The following NECAB2 variants were observed in gnomAD, a reference collection of about 807,000 sequenced individuals.
NECAB2 encodes the protein N-terminal EF-hand calcium-binding protein 2.
Under a neutral mutation model 51.9 loss-of-function variants are expected in NECAB2, and 68 were observed. The ratio of observed to expected loss-of-function variants is 1.31; its 90% CI spans 1.08 to 1.60. NECAB2 has a LOEUF of 1.60. Among genes scored for constraint, NECAB2 ranks in the 40% most tolerant of loss-of-function variants. The probability of loss-of-function intolerance (pLI) is 0.00; values close to 1 mark genes in which losing one functional copy is unlikely to be tolerated. For missense variants in NECAB2, 854 were observed against 490.3 expected (o/e 1.74, Z -7.00); for synonymous variants, 329 against 203.5 (o/e 1.62, Z -5.25).
At chr16:83,995,452 T>C (rs2084684444) in intron 8 of NECAB2, among the ~76,000 whole-genome samples, 1 of 152,110 alleles carries the variant, frequency 6.6e-6, no homozygotes, top group Admixed American at 6.5e-5. Flanking sequence ...TGAACCAAAA[T>C]GATGTCTCCG....
chr16:83,997,622 G>A (rs961143689), intron 9 of NECAB2, among the ~76,000 whole-genome samples: 4 of 151,440 alleles, frequency 2.6e-5, no homozygotes, highest in African/African-American at 9.7e-5. Context: ...TGAGTAGCTG[G>A]GATTACAGGT....
At chr16:83,970,220 G>A (rs2084333673) in intron 1 of NECAB2, among the ~76,000 whole-genome samples, 2 of 152,116 alleles carry the variant, frequency 1.3e-5, no homozygotes, top group East Asian at 3.9e-4. Context: ...GGGGCGGGAG[G>A]TGCTCATGCA....
intron 5 of NECAB2, among the ~76,000 whole-genome samples, chr16:83,983,617 G>A (rs1211502248): frequency 1.3e-5 from 2 of 152,026 alleles, no homozygotes; most frequent in South Asian, 2.1e-4. Flanking sequence ...CTATTGATGG[G>A]GTGGATGCTA....
chr16:83,975,788 G>T (rs958348490), intron 2 of NECAB2, among the ~76,000 whole-genome samples: 2 of 152,174 alleles, frequency 1.3e-5, no homozygotes, highest in South Asian at 4.1e-4. Flanking sequence ...TGGAGACAGA[G>T]AGTGAGTTTG....
At chr16:83,994,504 A>C (rs2084669625) in intron 7 of NECAB2, 84 bp downstream of exon 7, 3 of 1,594,532 alleles carry the variant, frequency 1.9e-6, no homozygotes, top group Non-Finnish European at 2.6e-6. Context: ...GACTGGGGAG[A>C]TGAGCAAGTT....
At chr16:83,972,842 T>A (rs2151084800) in intron 2 of NECAB2, among the ~76,000 whole-genome samples, 1 of 152,312 alleles carries the variant, frequency 6.6e-6, no homozygotes, top group East Asian at 1.9e-4. Context: ...GCCCAGGCCT[T>A]GAGAGAATAA....
intron 8 of NECAB2, among the ~76,000 whole-genome samples, chr16:83,996,293 C>T (rs544261490): frequency 5.3e-5 from 8 of 152,326 alleles, no homozygotes; most frequent in African/African-American, 1.4e-4. Context: ...TCACCACTTA[C>T]CAAGGCGTGT....
chr16:83,990,562 G>A lies in NECAB2; in HGVS notation c.528G>A (p.Gln176=). ...TCCTCCTGAAGGAGACGGCCAATCA[G>A]ATCCAGTCGCTGCTGAGCTCAGTGG... The part of the protein sequence containing the change: ...TRFLLKETAN[Q]IQSLLSSVES... The change falls in exon 6 of 13, where the codon CAG becomes CAA. Residue 176 remains glutamine (Q), a synonymous_variant. Coordinates refer to ENST00000305202, the MANE Select transcript of NECAB2 (RefSeq NM_019065.3). 1 of 1,614,164 alleles carries A rather than the reference G, an allele frequency of 6.2e-7. No individual in the cohort carries two copies. The highest frequency in any genetic ancestry group is 8.5e-7 in the Non-Finnish European group (1 of 1,180,040).
chr16:83,991,085 C>G (rs963130065), intron 6 of NECAB2, among the ~76,000 whole-genome samples: 2 of 151,990 alleles, frequency 1.3e-5, no homozygotes, highest in Non-Finnish European at 2.9e-5. Context: ...TGGGTTCAAG[C>G]AATTCTCATG....
chr16:83,972,274 T>G (rs1353898167), intron 2 of NECAB2, 99 bp downstream of exon 2: 4 of 1,567,004 alleles, frequency 2.6e-6, no homozygotes, highest in Non-Finnish European at 2.6e-6. Flanking sequence ...ACCTTGAACC[T>G]AAAGGTTTGG....
chr16:83,968,832 A>T lies in NECAB2; in HGVS notation c.184A>T (p.Thr62Ser). ...DPGPASPRGG[T>S]AVILDIFRRA... ...CGGCCCAGCCTCGCCGCGCGGGGGC[A>T]CCGCCGTCATCCTGGACGTGAGTAC... Residue 62 changes from threonine (T) to serine (S), a missense_variant, in exon 1 of 13, where the codon ACC becomes TCC. By Grantham distance (58) the Thr-to-Ser change is moderately conservative. Transcript: ENST00000305202. 1 of 1,101,656 alleles carries T rather than the reference A, an allele frequency of 9.1e-7. No individual in the cohort carries two copies. The highest frequency in any genetic ancestry group is 1.1e-6 in the Non-Finnish European group (1 of 906,938). The allele number at this position is 1,101,656 out of a possible 1,614,324, so 68.2% of individuals were successfully genotyped here. A position where few individuals can be genotyped will look rare whatever the true frequency, so the allele number is the denominator to read the frequency against.
rs76880708 is a variant in NECAB2, at chr16:83,993,965, C to T, written c.597-337C>T. On this transcript the variant is annotated intron_variant, in intron 6 of 12. Coordinates refer to ENST00000305202, the MANE Select transcript of NECAB2 (RefSeq NM_019065.3). Reference sequence around the variant, plus strand: ...TGGTCACTCCACAGCTTGGGCTCTACACGTGCCCGAAAGCTTCGAGCTGTT... The same window carrying T: ...TGGTCACTCCACAGCTTGGGCTCTATACGTGCCCGAAAGCTTCGAGCTGTT... 3.9e-5 allele frequency among the ~76,000 whole-genome samples: 6 copies of T among 152,280 alleles called. No homozygotes were observed. In the East Asian group the frequency reaches 9.7e-4, roughly 25 times the overall value.
intron 6 of NECAB2, among the ~76,000 whole-genome samples, chr16:83,994,082 A>G (rs540281243): frequency 1.3e-5 from 2 of 152,334 alleles, no homozygotes; most frequent in East Asian, 1.9e-4. Flanking sequence ...ATGGAGCTGA[A>G]TTCGAATCCC....
rs746344715 is a variant in NECAB2 at position 83,978,565 on chromosome 16, C to A, written c.335+13C>A. On this transcript the variant is annotated intron_variant, in intron 3 of 12. Coordinates refer to ENST00000305202, the MANE Select transcript of NECAB2 (RefSeq NM_019065.3). ...CTGACAACACCAAGTGAGCTTCAGT[C>A]CTGGCTGGCAGAGTGGGGGTGTGTG... 1 of 1,603,624 alleles carries A rather than the reference C, an allele frequency of 6.2e-7. No individual in the cohort carries two copies.
upstream of NECAB2, chr16:83,965,960 G>T: frequency 1.2e-6 from 2 of 1,607,576 alleles, no homozygotes; most frequent in Non-Finnish European, 1.7e-6. Flanking sequence ...GGGCGCCTTG[G>T]CTGTGGCCAG....
intron 5 of NECAB2, among the ~76,000 whole-genome samples, chr16:83,984,750 G>A (rs1222973156): frequency 4.6e-5 from 7 of 152,042 alleles, no homozygotes; most frequent in African/African-American, 1.7e-4. Context: ...AAAATAAAAT[G>A]TGCTGCTGTA....
intron 8 of NECAB2, among the ~76,000 whole-genome samples, chr16:83,995,686 T>G (rs550971524): frequency 1.3e-5 from 2 of 152,206 alleles, no homozygotes; most frequent in African/African-American, 4.8e-5. Flanking sequence ...GTATTGCTAC[T>G]TTTAGTTTGG....
At chr16:83,966,503 G>A (rs1040722602), upstream of NECAB2, among the ~76,000 whole-genome samples, 3 of 152,168 alleles carry the variant, frequency 2.0e-5, no homozygotes, top group Non-Finnish European at 4.4e-5. Context: ...CCCAAGTGTG[G>A]GGGCAGTTGA....
rs145718913 is a variant in NECAB2 at position 84,001,851 on chromosome 16, C to A, written c.1067C>A (p.Ala356Glu). Reference sequence around the variant, plus strand: ...CACCTGCAGAGCCCCCTGTGTAAGGCGTTCCGGCACGTCAAGGTGGACACA... The same window carrying A: ...CACCTGCAGAGCCCCCTGTGTAAGGAGTTCCGGCACGTCAAGGTGGACACA... The part of the protein sequence containing the change: ...KRHLQSPLCK[A>E]FRHVKVDTLS... Residue 356 changes from alanine (A) to glutamate (E), a missense_variant, in exon 12 of 13, where the codon GCG becomes GAG. Coordinates refer to ENST00000305202, the MANE Select transcript of NECAB2 (RefSeq NM_019065.3). 6.2e-7 allele frequency: 1 copy of A among 1,614,130 alleles called. No individual in the cohort carries two copies.
Sources: allele counts gnomAD v4.1 joint callset (sites outside exome capture counted in the v4.1 genomes callset), GRCh38; gene constraint gnomAD v4.1.1; transcripts MANE v1.5; gene names NCBI Gene and HGNC (gene_info 2026-07-23, HGNC 2026-07-21).